The following FSIP2 variants were observed in gnomAD, a reference collection of about 807,000 sequenced individuals.
FSIP2 encodes fibrous sheath interacting protein 2.
In FSIP2, 367 loss-of-function variants were observed where a neutral mutation model predicts 510.5. That is an observed-to-expected ratio of 0.72 (90% CI 0.66 to 0.78). FSIP2 has a LOEUF of 0.78. Among genes scored for constraint, FSIP2 ranks in the 30% least tolerant of loss-of-function variants. The pLI is 0.00. For missense variants in FSIP2, 7,594 were observed against 7,901.7 expected, an observed-to-expected ratio of 0.96 and a Z score of 1.48; for synonymous variants, 2,601 against 2,732.2, an observed-to-expected ratio of 0.95 and a Z score of 1.50.
rs778631837 is a variant in FSIP2 at position 185,807,258 on chromosome 2, T to C, written c.17952T>C (p.Val5984=). The change falls in exon 17 of 23, where the codon GTT becomes GTC. Residue 5984 remains valine (V), a synonymous_variant. Coordinates refer to ENST00000424728, the MANE Select transcript of FSIP2 (RefSeq NM_173651.4). ...ACLPLESKDV[V]KKVQKLAQTA... is the part of the protein sequence containing the mutation. ...TGCCTCTGGAATCTAAGGATGTTGTTAAAAAGGTCCAAAAGTTGGCCCAAA... is the reference window on the plus strand; with the variant it reads ...TGCCTCTGGAATCTAAGGATGTTGTCAAAAAGGTCCAAAAGTTGGCCCAAA... 6.2e-7 allele frequency: 1 copy of C among 1,612,606 alleles called. No homozygotes were observed. The highest frequency in any genetic ancestry group is 8.5e-7 in the Non-Finnish European group (1 of 1,179,216).
At position 185,803,297 on chromosome 2, in the gene FSIP2, T is replaced by C. The variant is rs1352202240; in HGVS notation, c.13991T>C (p.Leu4664Ser). Residue 4664 changes from leucine to serine, a missense_variant, in exon 17 of 23, where the codon TTG becomes TCG. Physicochemically the swap from Leu to Ser is moderately radical, Grantham distance 145. Coordinates refer to ENST00000424728, the MANE Select transcript of FSIP2 (RefSeq NM_173651.4). ...GAGAAAGCTGAAGAACTCATACATT[T>C]GATTACAGGGGAATTCTCAAAAGCC... ...LFEKAEELIH[L>S]ITGEFSKAQV... 2.0e-6 allele frequency: 3 copies of C among 1,526,456 alleles called. No homozygotes were observed. Among genetic ancestry groups the C allele is most frequent in the Non-Finnish European group, 2.6e-6 (3 of 1,142,958 alleles). The allele number at this position is 1,526,456 out of a possible 1,614,324, so 94.6% of individuals were successfully genotyped here. A position where few individuals can be genotyped will look rare whatever the true frequency, so the allele number is the denominator to read the frequency against.
chr2:185,784,254 C>T (rs1236462706), intron 14 of FSIP2: 1 of 152,016 alleles, frequency 6.6e-6, no homozygotes, highest in Non-Finnish European at 1.5e-5. Flanking sequence ...AAGGGTTGCA[C>T]TCAGGTGATA....
intron 13 of FSIP2, 59 bp downstream of exon 13, chr2:185,764,624 C>T (rs1488403849): frequency 9.6e-6 from 11 of 1,149,010 alleles, no homozygotes; most frequent in Non-Finnish European, 1.4e-5. Flanking sequence ...TTTCAACTGA[C>T]ATTTACTGAG....
chr2:185,791,236 C>T lies in FSIP2; in HGVS notation c.4100C>T (p.Ser1367Leu). Residue 1367 changes from serine to leucine, a missense_variant, in exon 16 of 23, where the codon TCA (serine) becomes TTA (leucine). By Grantham distance (145) the Ser-to-Leu change is moderately radical. Coordinates refer to ENST00000424728, the MANE Select transcript of FSIP2 (RefSeq NM_173651.4). ...LLTCIYDMLL[S>L]SENAHQRSIS... Reference sequence around the variant, plus strand: ...ACCTGTATTTATGATATGTTGTTATCAAGTGAAAATGCACATCAAAGAAGC... The same window carrying T: ...ACCTGTATTTATGATATGTTGTTATTAAGTGAAAATGCACATCAAAGAAGC... 6.5e-7 allele frequency: 1 copy of T among 1,533,752 alleles called. No individual in the cohort carries two copies. Among genetic ancestry groups the T allele is most frequent in the Non-Finnish European group, 8.7e-7 (1 of 1,145,240 alleles).
rs551713100 is a variant in FSIP2 at position 185,810,158 on chromosome 2, A to G, written c.19827+1025A>G. 2.0e-5 allele frequency among the ~76,000 whole-genome samples: 3 copies of G among 152,126 alleles called. No homozygotes were observed. In the South Asian group the frequency reaches 6.2e-4, roughly 32 times the overall value. On this transcript the variant is annotated intron_variant, in intron 17 of 22. Transcript: ENST00000424728. Reference sequence around the variant, plus strand: ...AAACTGAATCTCAAGGCTAGTAAACATGCTAATTAATGCTTTAAGCTTTCA... The same window carrying G: ...AAACTGAATCTCAAGGCTAGTAAACGTGCTAATTAATGCTTTAAGCTTTCA...
Position 185,739,394 on chromosome 2 carries a change from G to A in FSIP2, c.148G>A (p.Asp50Asn). 6.5e-7 allele frequency: 1 copy of A among 1,535,438 alleles called. No homozygotes were observed. The highest frequency in any genetic ancestry group is 8.7e-7 in the Non-Finnish European group (1 of 1,146,616). ...AGGGGTTGGACCGGCTCAGCTACTGGACCTACCTCTCGGGGTCAAGCTGCC... is the reference window on the plus strand; with the variant it reads ...AGGGGTTGGACCGGCTCAGCTACTGAACCTACCTCTCGGGGTCAAGCTGCC... ...FAGVGPAQLL[D>N]LPLGVKLPVI... is the part of the protein sequence containing the mutation. The change falls in exon 2 of 23, where the codon GAC becomes AAC. Residue 50 changes from aspartate to asparagine, a missense_variant. Coordinates refer to ENST00000424728, the MANE Select transcript of FSIP2 (RefSeq NM_173651.4).
At chr2:185,817,769 A>G (rs1693850792) in intron 19 of FSIP2, among the ~76,000 whole-genome samples, 1 of 152,044 alleles carries the variant, frequency 6.6e-6, no homozygotes, top group Non-Finnish European at 1.5e-5. Context: ...TTGGACCTAC[A>G]TGGCAAAGAC....
intron 9 of FSIP2, among the ~76,000 whole-genome samples, chr2:185,757,019 G>C (rs1574158262): frequency 6.6e-6 from 1 of 151,304 alleles, no homozygotes; most frequent in Non-Finnish European, 1.5e-5. Context: ...AATCACTGAG[G>C]TTCAGTTAAT....
intron 13 of FSIP2, among the ~76,000 whole-genome samples, chr2:185,774,135 C>G (rs1377025330): frequency 1.3e-5 from 2 of 152,012 alleles, no homozygotes; most frequent in Non-Finnish European, 2.9e-5. Context: ...CACACCTGCA[C>G]AGTAATCTTT....
chr2:185,815,919 G>A (rs573444360), intron 19 of FSIP2, among the ~76,000 whole-genome samples: 261 of 152,132 alleles, frequency 1.7e-3, no homozygotes, highest in Non-Finnish European at 3.1e-3. Flanking sequence ...ATGGTAGAAA[G>A]CAATGGAGTT....
chr2:185,791,203 C>T lies in FSIP2; in HGVS notation c.4067C>T (p.Pro1356Leu), dbSNP rs1559026273. 1 of 1,533,728 alleles carries T rather than the reference C, an allele frequency of 6.5e-7. No individual in the cohort carries two copies. The highest frequency in any genetic ancestry group is 2.0e-5 in the Admixed American group (1 of 50,814). Residue 1356 changes from proline to leucine, a missense_variant, in exon 16 of 23, where the codon CCA becomes CTA. Physicochemically the swap from Pro to Leu is moderately conservative, Grantham distance 98. Coordinates refer to ENST00000424728, the MANE Select transcript of FSIP2 (RefSeq NM_173651.4). ...ATTGATGATGACATTTTGGCGAGTC[C>T]ATTATTAACCTGTATTTATGATATG... The part of the protein sequence containing the change: ...TSIDDDILAS[P>L]LLTCIYDMLL...
Position 185,788,819 on chromosome 2 carries a change from G to A in FSIP2, c.1683G>A (p.Thr561=), listed in dbSNP as rs3752671. The A allele has an allele frequency of 0.11, 174,316 of 1,534,052 alleles. 10,363 individuals are homozygous for A. The highest frequency in any genetic ancestry group is 0.14 in the Middle Eastern group (833 of 5,984). Residue 561 remains threonine, a synonymous_variant, in exon 16 of 23, where the codon ACG becomes ACA. Coordinates refer to ENST00000424728, the MANE Select transcript of FSIP2 (RefSeq NM_173651.4). The part of the protein sequence containing the change: ...LSSDSSSFCS[T]CSEDFTYRSY... Reference sequence around the variant, plus strand: ...CAGATAGTTCAAGTTTCTGTAGCACGTGCAGTGAAGACTTTACATATAGAA... The same window carrying A: ...CAGATAGTTCAAGTTTCTGTAGCACATGCAGTGAAGACTTTACATATAGAA...
intron 3 of FSIP2, among the ~76,000 whole-genome samples, chr2:185,744,105 G>T (rs1461300745): frequency 6.6e-6 from 1 of 151,930 alleles, no homozygotes; most frequent in African/African-American, 2.4e-5. Context: ...TTTTTGGATA[G>T]AAATTTATTG....
In FSIP2 at chr2:185,791,792, G is replaced by A; in HGVS notation, c.4656G>A (p.Glu1552=). The A allele has an allele frequency of 6.5e-7, 1 of 1,534,310 alleles. No homozygotes were observed. Among genetic ancestry groups the A allele is most frequent in the South Asian group, 1.2e-5 (1 of 83,968 alleles). ...SRRVQEDNKE[E]TKSKAKPVAP... is the part of the protein sequence containing the mutation. ...GGGTTCAGGAGGACAATAAAGAAGA[G>A]ACTAAAAGCAAGGCAAAACCTGTTG... The change falls in exon 16 of 23, where the codon GAG becomes GAA. Residue 1552 remains glutamate, a synonymous_variant. Transcript: ENST00000424728.
chr2:185,828,201 T>C lies in FSIP2; in HGVS notation c.20517+2T>C. 1 of 1,542,020 alleles carries C rather than the reference T, an allele frequency of 6.5e-7. No homozygotes were observed. The highest frequency in any genetic ancestry group is 1.1e-5 in the South Asian group (1 of 89,038). ...CCAGAGCATGGAAACAGTGTTAAGG[T>C]AAGTATTTTTAACTAGCCTTAGTTG... On this transcript the variant is annotated splice_donor_variant, in intron 21 of 22. Transcript: ENST00000424728. LOFTEE classifies it high-confidence loss of function.
At position 185,806,125 on chromosome 2, in the gene FSIP2, G is replaced by A; in HGVS notation, c.16819G>A (p.Gly5607Ser). The A allele has an allele frequency of 6.4e-7, 1 of 1,573,766 alleles. No individual in the cohort carries two copies. Among genetic ancestry groups the A allele is most frequent in the Non-Finnish European group, 8.6e-7 (1 of 1,167,174 alleles). ...AGTACTTGGATCAGATTCTGAAATA[G>A]GCTATAAAAAGAAGATTGACAATGC... is the stretch of plus-strand genomic sequence containing the variant. ...KEVLGSDSEI[G>S]YKKKIDNARE... Residue 5607 changes from glycine (G) to serine (S), a missense_variant, in exon 17 of 23, where the codon GGC becomes AGC. By Grantham distance (56) the Gly-to-Ser change is moderately conservative (BLOSUM62 0). Coordinates refer to ENST00000424728, the MANE Select transcript of FSIP2 (RefSeq NM_173651.4).
intron 21 of FSIP2, among the ~76,000 whole-genome samples, chr2:185,828,407 T>C (rs1485851295): frequency 1.3e-5 from 2 of 151,862 alleles, no homozygotes; most frequent in Non-Finnish European, 2.9e-5. Flanking sequence ...ATCCTTTGGG[T>C]TAAGTCAGCA....
Position 185,746,662 on chromosome 2 carries a change from T to TCTC in FSIP2, c.618-7_618-6insCTC. 1 of 1,504,158 alleles carries TCTC rather than the reference T, an allele frequency of 6.6e-7. No homozygotes were observed. The highest frequency in any genetic ancestry group is 8.8e-7 in the Non-Finnish European group (1 of 1,133,922). The allele number at this position is 1,504,158 out of a possible 1,614,324, so 93.2% of individuals were successfully genotyped here. A position where few individuals can be genotyped will look rare whatever the true frequency, so the allele number is the denominator to read the frequency against. Reference sequence around the variant, plus strand: ...TCACCTTTAGCAATATTTGCACTCTTACTCAGATATTTGGATATGATAAGT... The same window carrying TCTC: ...TCACCTTTAGCAATATTTGCACTCTTCTCACTCAGATATTTGGATATGATAAGT... On this transcript the variant is annotated splice_polypyrimidine_tract_variant and splice_region_variant and intron_variant, in intron 5 of 22. Coordinates refer to ENST00000424728, the MANE Select transcript of FSIP2 (RefSeq NM_173651.4).
chr2:185,757,986 ATTATTAG>A (rs1692275433), intron 9 of FSIP2, among the ~76,000 whole-genome samples: 4 of 151,204 alleles, frequency 2.6e-5, no homozygotes, highest in Middle Eastern at 3.4e-3. Flanking sequence ...TACCTCTGGG[ATTATTAG>A]TTATGTTACC....
Sources: allele counts gnomAD v4.1 joint callset (sites outside exome capture counted in the v4.1 genomes callset), GRCh38; gene constraint gnomAD v4.1.1; transcripts MANE v1.5; gene names NCBI Gene and HGNC (gene_info 2026-07-23, HGNC 2026-07-21).